Variants in FAP observed in about 807,000 individuals in gnomAD.
FAP encodes the protein fibroblast activation protein alpha.
Under a neutral mutation model 126.5 loss-of-function variants are expected in FAP, and 110 were observed. That is an observed-to-expected ratio of 0.87 (90% CI 0.74 to 1.02). The LOEUF is 1.02. Among genes scored for constraint, FAP ranks in the 50% least tolerant of loss-of-function variants. FAP has a pLI of 0.00. For synonymous variants in FAP, 334 were observed against 297.3 expected (o/e 1.12, Z -1.27); for missense variants, 919 against 909.2 (o/e 1.01, Z -0.14).
intron 17 of FAP, among the ~76,000 whole-genome samples, chr2:162,192,870 A>G: frequency 6.6e-6 from 1 of 152,148 alleles, no homozygotes; most frequent in South Asian, 2.1e-4. Flanking sequence ...GGTAGTTATC[A>G]TTAGTAAACA....
intron 11 of FAP, among the ~76,000 whole-genome samples, chr2:162,211,674 TTTA>T (rs1688941241): frequency 6.6e-6 from 1 of 152,232 alleles, no homozygotes; most frequent in Non-Finnish European, 1.5e-5. Flanking sequence ...AATTTTTGGA[TTTA>T]TTATTTTTAG....
intron 21 of FAP, 29 bp downstream of exon 21, chr2:162,183,385 A>T (rs768269562): frequency 4.6e-6 from 7 of 1,526,660 alleles, no homozygotes; most frequent in Non-Finnish European, 6.3e-6. Flanking sequence ...GAACTGAATA[A>T]CAGGCATAAA....
intron 16 of FAP, chr2:162,198,170 A>T (rs1688333679): frequency 3.1e-6 from 4 of 1,286,668 alleles, no homozygotes; most frequent in Non-Finnish European, 4.0e-6. Context: ...TATTTGATGC[A>T]TTACTTACGA....
Position 162,202,745 on chromosome 2 carries a change from A to T in FAP, c.1223+127T>A, listed in dbSNP as rs1032118789. 3.0e-5 allele frequency: 19 copies of T among 628,710 alleles called. No homozygotes were observed. In the African/African-American group the frequency reaches 3.5e-4, roughly 11 times the overall value. 38.9% of individuals were successfully genotyped at this position (628,710 alleles called of 1,614,324 possible). ...ATTAAAAATGTGCAATCGTAAATGAACTCACAACTGTCTGAATTATAGAGT... is the reference window on the plus strand; with the variant it reads ...ATTAAAAATGTGCAATCGTAAATGATCTCACAACTGTCTGAATTATAGAGT... On this transcript the variant is annotated intron_variant, in intron 14 of 25. Transcript: ENST00000188790.
At chr2:162,177,528 T>C (rs1687526444) in intron 21 of FAP, among the ~76,000 whole-genome samples, 1 of 152,134 alleles carries the variant, frequency 6.6e-6, no homozygotes, top group African/African-American at 2.4e-5. Context: ...CTGCCTGGAA[T>C]GCTCTTTCCA....
Position 162,202,958 on chromosome 2 carries a change from C to A in FAP, c.1153-16G>T, listed in dbSNP as rs1478263341. On this transcript the variant is annotated splice_polypyrimidine_tract_variant and intron_variant, in intron 13 of 25. Coordinates refer to ENST00000188790, the MANE Select transcript of FAP (RefSeq NM_004460.5). Reference sequence around the variant, plus strand: ...TAGCATTTTCCTATAAAAAGACAAACATTATGTTGTGTGAAACTGAGCGTT... The same window carrying A: ...TAGCATTTTCCTATAAAAAGACAAAAATTATGTTGTGTGAAACTGAGCGTT... 1.9e-6 allele frequency: 3 copies of A among 1,610,688 alleles called. No homozygotes were observed. Among genetic ancestry groups the A allele is most frequent in the Non-Finnish European group, 2.5e-6 (3 of 1,176,960 alleles).
chr2:162,238,896 T>A (rs1477428673), intron 2 of FAP, among the ~76,000 whole-genome samples: 2 of 152,214 alleles, frequency 1.3e-5, no homozygotes, highest in Admixed American at 6.5e-5. Flanking sequence ...ATGATATTTC[T>A]TCTTAAAAAA....
intron 11 of FAP, among the ~76,000 whole-genome samples, chr2:162,210,894 T>G (rs900130032): frequency 6.6e-6 from 1 of 152,134 alleles, no homozygotes; most frequent in Non-Finnish European, 1.5e-5. Context: ...GTTCAAATCC[T>G]CAGAAATAAG....
chr2:162,236,051 G>A (rs1690116395), intron 2 of FAP, among the ~76,000 whole-genome samples: 1 of 151,990 alleles, frequency 6.6e-6, no homozygotes, highest in Non-Finnish European at 1.5e-5. Context: ...TCCTTTTTCT[G>A]TGTCTATTAT....
intron 3 of FAP, among the ~76,000 whole-genome samples, chr2:162,225,907 T>G (rs112283395): frequency 1.2e-3 from 181 of 152,282 alleles, no homozygotes; most frequent in African/African-American, 4.0e-3. Context: ...TAAACATAAA[T>G]TACATTTAAG....
chr2:162,203,968 CT>C lies in FAP; in HGVS notation c.1048-824del, dbSNP rs147509322. On this transcript the variant is annotated intron_variant, in intron 12 of 25. Coordinates refer to ENST00000188790, the MANE Select transcript of FAP (RefSeq NM_004460.5). ...AATTGACTTGTCTTACATTTGCTGA[CT>C]TTTTTTCCCCATTGGTCATTGTTTG... 3.6e-3 allele frequency among the ~76,000 whole-genome samples: 549 copies of C among 152,238 alleles called. 3 individuals are homozygous for C. The highest frequency in any genetic ancestry group is 0.013 in the African/African-American group (529 of 41,538).
At chr2:162,239,631 A>G (rs965909409) in intron 2 of FAP, among the ~76,000 whole-genome samples, 1 of 152,236 alleles carries the variant, frequency 6.6e-6, no homozygotes, top group Admixed American at 6.5e-5. Context: ...TGTTGAGTGT[A>G]GAAGTACATA....
chr2:162,243,220 CT>C, intron 1 of FAP, 101 bp downstream of exon 1: 1 of 970,304 alleles, frequency 1.0e-6, no homozygotes, highest in South Asian at 1.5e-5. Flanking sequence ...GAAGTAAATA[CT>C]TATGTACAAA....
chr2:162,201,315 A>G (rs954272643), intron 14 of FAP, among the ~76,000 whole-genome samples: 3 of 152,198 alleles, frequency 2.0e-5, no homozygotes, highest in Non-Finnish European at 4.4e-5. Context: ...TAGGCAGTCC[A>G]GTTCTCACTA....
chr2:162,195,028 AC>A (rs1688199843), intron 16 of FAP: 2 of 423,260 alleles, frequency 4.7e-6, no homozygotes, highest in African/African-American at 2.0e-5. Flanking sequence ...ACACAAATGC[AC>A]CCCAGAAGCT....
chr2:162,230,270 T>C (rs78040884), intron 2 of FAP, among the ~76,000 whole-genome samples: 1,633 of 152,310 alleles, frequency 0.011, 14 homozygotes, highest in Non-Finnish European at 0.016. Flanking sequence ...AGAATAAGAA[T>C]AAAACATAAA....
At position 162,211,641 on chromosome 2, in the gene FAP, A is replaced by G. The variant is rs151052970; in HGVS notation, c.1003-1645T>C. Reference sequence around the variant, plus strand: ...CAATGCCTCAGAGAGAACAAGTAAGATAAGACTCGGAAAAAATAGTGAAAT... The same window carrying G: ...CAATGCCTCAGAGAGAACAAGTAAGGTAAGACTCGGAAAAAATAGTGAAAT... On this transcript the variant is annotated intron_variant, in intron 11 of 25. Coordinates refer to ENST00000188790, the MANE Select transcript of FAP (RefSeq NM_004460.5). Among the ~76,000 whole-genome samples the G allele has an allele frequency of 6.6e-4, 101 of 152,316 alleles. No individual in the cohort carries two copies. In the East Asian group the frequency reaches 0.012, roughly 18 times the overall value.
chr2:162,203,232 G>A, intron 12 of FAP, 87 bp from the exon 13 acceptor site: 1 of 756,280 alleles, frequency 1.3e-6, no homozygotes, highest in Non-Finnish European at 2.2e-6. Flanking sequence ...GCGACGTATG[G>A]TCATAGTTAT....
At chr2:162,187,858 G>A (rs1352385162) in intron 20 of FAP, among the ~76,000 whole-genome samples, 1 of 151,974 alleles carries the variant, frequency 6.6e-6, no homozygotes, top group Non-Finnish European at 1.5e-5. Flanking sequence ...CATCATTAGA[G>A]TTCAAAGTTT....
Sources: gnomAD v4.1 joint callset for allele counts (sites outside exome capture counted in the v4.1 genomes callset) on GRCh38, gnomAD v4.1.1 for gene constraint, MANE v1.5 for transcripts, NCBI Gene and HGNC (gene_info 2026-07-23, HGNC 2026-07-21) for gene names.